The following HTT variants were observed in gnomAD, a reference collection of about 807,000 sequenced individuals.
HTT encodes huntington disease protein.
HTT carries 104 observed loss-of-function variants against 362.3 expected under a neutral mutation model. The observed-to-expected ratio is 0.29, with a 90% CI of 0.24 to 0.34. HTT has a LOEUF of 0.34. Among genes scored for constraint, HTT ranks in the 10% least tolerant of loss-of-function variants. The probability of loss-of-function intolerance (pLI) is 1.00; values close to 1 mark genes in which losing one functional copy is unlikely to be tolerated. For synonymous variants in HTT, 1,577 were observed against 1,548.7 expected (o/e 1.02, Z -0.43); for missense variants, 3,301 against 3,928.6 (o/e 0.84, Z 4.27).
Position 3,154,431 on chromosome 4 carries a change from C to A in HTT, c.3625+12C>A. 6.2e-7 allele frequency: 1 copy of A among 1,612,038 alleles called. No individual in the cohort carries two copies. The highest frequency in any genetic ancestry group is 1.1e-5 in the South Asian group (1 of 90,454). The stretch of plus-strand genomic sequence containing the variant: ...TGAGGCCAGTGCAGGTAGGAAACAG[C>A]GTGGGGAAGGGAGGGACATGAGTGC... On this transcript the variant is annotated intron_variant, in intron 27 of 66. Transcript: ENST00000355072.
intron 46 of HTT, 136 bp from the exon 47 acceptor site, chr4:3,209,691 C>T: frequency 9.6e-7 from 1 of 1,045,372 alleles, no homozygotes; most frequent in Non-Finnish European, 1.4e-6. Flanking sequence ...GCCGTATAGC[C>T]ACAGCCTGCC....
rs1455965733 is a variant in HTT, at chr4:3,177,323, T to G, written c.4408-9T>G. 2 of 1,590,364 alleles carry G rather than the reference T, an allele frequency of 1.3e-6. No individual in the cohort carries two copies. Among genetic ancestry groups the G allele is most frequent in the South Asian group, 2.3e-5 (2 of 87,468 alleles). On this transcript the variant is annotated splice_polypyrimidine_tract_variant and intron_variant, in intron 33 of 66. Transcript: ENST00000355072. ...TTATTGATGTGAAATTTTATTTTCC[T>G]TCCTGTAGGTGTTTATTGGCTTTGT...
chr4:3,199,519 A>G (rs1377361814), intron 40 of HTT, among the ~76,000 whole-genome samples: 1 of 151,952 alleles, frequency 6.6e-6, no homozygotes, highest in African/African-American at 2.4e-5. Context: ...CAACCTGGGC[A>G]ACAAGAGCAA....
At chr4:3,187,923 C>T in intron 39 of HTT, 37 bp downstream of exon 39, 1 of 1,302,888 alleles carries the variant, frequency 7.7e-7, no homozygotes, top group Non-Finnish European at 1.1e-6. Context: ...TAACCCATGC[C>T]TTTTGGGAAG....
intron 1 of HTT, among the ~76,000 whole-genome samples, chr4:3,080,406 T>A (rs751282052): frequency 3.9e-5 from 6 of 152,216 alleles, no homozygotes; most frequent in Non-Finnish European, 5.9e-5. Flanking sequence ...GAACCCAGGC[T>A]CTTTCTTATA....
intron 61 of HTT, among the ~76,000 whole-genome samples, chr4:3,234,247 C>T (rs1276393875): frequency 6.6e-6 from 1 of 152,250 alleles, no homozygotes; most frequent in Non-Finnish European, 1.5e-5. Flanking sequence ...TTGGGACATG[C>T]TGGAGCAGGG....
At chr4:3,121,508 G>A (rs1315887480) in intron 9 of HTT, 76 bp downstream of exon 9, 1 of 961,128 alleles carries the variant, frequency 1.0e-6, no homozygotes, top group Non-Finnish European at 1.6e-6. Flanking sequence ...TTATGGGCCT[G>A]CCCTGTGCTA....
intron 51 of HTT, among the ~76,000 whole-genome samples, chr4:3,216,944 G>T (rs1351473375): frequency 6.6e-6 from 1 of 150,580 alleles, no homozygotes; most frequent in Non-Finnish European, 1.5e-5. Flanking sequence ...AGAATGGCGT[G>T]AACCCGGGAG....
intron 2 of HTT, among the ~76,000 whole-genome samples, chr4:3,088,313 A>T (rs571197539): frequency 1.1e-3 from 160 of 151,512 alleles, no homozygotes; most frequent in African/African-American, 3.8e-3. Flanking sequence ...CAGCCTGGCG[A>T]GTAGCTGGGA....
intron 37 of HTT, among the ~76,000 whole-genome samples, chr4:3,182,744 C>T (rs1560583441): frequency 1.3e-5 from 2 of 152,132 alleles, no homozygotes; most frequent in Admixed American, 6.6e-5. Flanking sequence ...GGGGTGAGGG[C>T]GGGCCAAGGC....
chr4:3,107,245 G>C (rs758783351), intron 5 of HTT, 40 bp from the exon 6 acceptor site: 1 of 1,598,938 alleles, frequency 6.3e-7, no homozygotes, highest in Non-Finnish European at 8.5e-7. Flanking sequence ...TCTCCTGAAG[G>C]AGAGCTGGAA....
chr4:3,084,690 C>CA (rs60116935), intron 1 of HTT, among the ~76,000 whole-genome samples: 5,695 of 122,160 alleles, frequency 0.047, 344 homozygotes, highest in African/African-American at 0.15. Context: ...ACTCCATCTC[C>CA]AAAAAAAAAA....
intron 29 of HTT, 107 bp downstream of exon 29, chr4:3,160,499 G>A (rs1213421230): frequency 3.9e-6 from 3 of 774,762 alleles, no homozygotes; most frequent in Non-Finnish European, 6.7e-6. Flanking sequence ...GTGCCTCCGG[G>A]AGACTCCTCC....
chr4:3,235,274 C>G lies in HTT; in HGVS notation c.8457-10C>G. On this transcript the variant is annotated splice_polypyrimidine_tract_variant and intron_variant, in intron 61 of 66. Transcript: ENST00000355072. ...GGTGGCTGAGCCTGGATGCTGTCTC[C>G]CGTTTTCAGCTGCGTGAACATTCAC... 3 of 1,595,734 alleles carry G rather than the reference C, an allele frequency of 1.9e-6. No individual in the cohort carries two copies. The highest frequency in any genetic ancestry group is 2.6e-6 in the Non-Finnish European group (3 of 1,163,864).
chr4:3,144,849 C>A (rs1466994273), intron 23 of HTT, among the ~76,000 whole-genome samples: 1 of 152,200 alleles, frequency 6.6e-6, no homozygotes, highest in Admixed American at 6.5e-5. Context: ...ATGTGGTAAG[C>A]TGGAGCTCAG....
At chr4:3,173,277 G>A in intron 31 of HTT, 146 bp downstream of exon 31, 1 of 665,272 alleles carries the variant, frequency 1.5e-6, no homozygotes. Flanking sequence ...GATATATATG[G>A]TTGATGCAAA....
chr4:3,131,271 T>C lies in HTT; in HGVS notation c.1987-15T>C. On this transcript the variant is annotated splice_polypyrimidine_tract_variant and intron_variant, in intron 14 of 66. Coordinates refer to ENST00000355072, the MANE Select transcript of HTT (RefSeq NM_001388492.1). ...TTGAGTATGAGACAAACAAGTGTCA[T>C]TGTCTCCTTTCTAGCCTTGCCGCAT... The C allele has an allele frequency of 6.4e-7, 1 of 1,568,298 alleles. No individual in the cohort carries two copies. Among genetic ancestry groups the C allele is most frequent in the Non-Finnish European group, 8.8e-7 (1 of 1,138,280 alleles).
chr4:3,115,340 A>G lies in HTT; in HGVS notation c.784A>G (p.Ser262Gly), dbSNP rs1439511902. Residue 262 changes from serine to glycine, a missense_variant, in exon 7 of 67, where the codon AGC (serine) becomes GGC (glycine). Around this residue, in one of 4 missense-constraint regions of HTT, gnomAD observed 2,316 missense variants for 2,658.5 expected, o/e 0.87. Coordinates refer to ENST00000355072, the MANE Select transcript of HTT (RefSeq NM_001388492.1). The stretch of plus-strand genomic sequence containing the variant: ...GGCCTTCATAGCGAACCTGAAGTCA[A>G]GCTCCCCCACCATTCGGCGGACAGC... ...LKAFIANLKSSSPTIRRTAAG... is the reference protein window; with the variant it reads ...LKAFIANLKSGSPTIRRTAAG... The G allele has an allele frequency of 3.1e-6, 5 of 1,614,060 alleles. No homozygotes were observed. The African/African-American group carries it at 4.0e-5, about 13-fold the overall frequency.
At chr4:3,096,969 A>C (rs1221819273) in intron 2 of HTT, among the ~76,000 whole-genome samples, 1 of 152,080 alleles carries the variant, frequency 6.6e-6, no homozygotes, top group Non-Finnish European at 1.5e-5. Flanking sequence ...AAACAAAAAA[A>C]TTAGCCAGGT....
Sources: allele counts gnomAD v4.1 joint callset (sites outside exome capture counted in the v4.1 genomes callset), GRCh38; gene constraint gnomAD v4.1.1; regional missense constraint gnomAD v4.1.1; transcripts MANE v1.5; gene names NCBI Gene and HGNC (gene_info 2026-07-23, HGNC 2026-07-21).